Variants in FGF14 observed in about 807,000 individuals in gnomAD.
FGF14 encodes fibroblast growth factor homologous factor 4.
In FGF14, 5 loss-of-function variants were observed where a neutral mutation model predicts 25.5. That is an observed-to-expected ratio of 0.20 (90% confidence interval 0.10 to 0.41). FGF14 has a LOEUF of 0.41. FGF14 is among the 10% of genes least tolerant of loss of function. The pLI is 1.00. For missense variants in FGF14, 222 were observed against 320.1 expected (o/e 0.69, Z 2.34); for synonymous variants, 138 against 118.3 (o/e 1.17, Z -1.08).
At chr13:102,190,474 A>G (rs1244729990) in intron 1 of FGF14, among the ~76,000 whole-genome samples, 3 of 152,126 alleles carry the variant, frequency 2.0e-5, no homozygotes, top group African/African-American at 7.2e-5. Context: ...AGGATCCTAC[A>G]ATGCCCAGAA....
intron 3 of FGF14, among the ~76,000 whole-genome samples, chr13:101,744,736 CA>C (rs1460148067): frequency 2.0e-5 from 3 of 151,968 alleles, no homozygotes; most frequent in Non-Finnish European, 4.4e-5. Flanking sequence ...AAAACAAAAA[CA>C]AACGTGTCAT....
intron 1 of FGF14, among the ~76,000 whole-genome samples, chr13:101,947,462 GA>G (rs61558192): frequency 0.05 from 7,581 of 151,974 alleles, 631 homozygotes; most frequent in African/African-American, 0.17. Context: ...GATTGGATTA[GA>G]AAAAAATGTG....
intron 1 of FGF14, among the ~76,000 whole-genome samples, chr13:102,122,532 T>C (rs961935947): frequency 6.6e-6 from 1 of 152,200 alleles, no homozygotes; most frequent in African/African-American, 2.4e-5. Flanking sequence ...CTTCATCTTG[T>C]TGTTAAAGCC....
chr13:102,061,554 T>A (rs1460825514), intron 1 of FGF14, among the ~76,000 whole-genome samples: 1 of 152,260 alleles, frequency 6.6e-6, no homozygotes, highest in Non-Finnish European at 1.5e-5. Context: ...TATTTAAGTA[T>A]GTATCTGATG....
intron 3 of FGF14, among the ~76,000 whole-genome samples, chr13:101,749,757 T>C (rs1255710728): frequency 6.6e-6 from 1 of 152,074 alleles, no homozygotes; most frequent in Non-Finnish European, 1.5e-5. Flanking sequence ...CTTTGAAAAA[T>C]ACAGTCCAAC....
intron 1 of FGF14, among the ~76,000 whole-genome samples, chr13:102,012,295 A>G (rs953592983): frequency 6.6e-6 from 1 of 152,214 alleles, no homozygotes; most frequent in Non-Finnish European, 1.5e-5. Context: ...CATTATAATC[A>G]TAATATTTCT....
At chr13:102,170,569 G>C (rs779919123) in intron 1 of FGF14, among the ~76,000 whole-genome samples, 1 of 152,106 alleles carries the variant, frequency 6.6e-6, no homozygotes. Context: ...GCTGCAGTTT[G>C]GTGAAAGGCC....
rs577373664 is a variant in FGF14, at chr13:101,964,834, C to A, written c.209-89538G>T. On this transcript the variant is annotated intron_variant, in intron 1 of 4. Transcript: ENST00000376131. The stretch of plus-strand genomic sequence containing the variant: ...TATTCAGGATACAAATAGTTGTGCA[C>A]TTTCCCTGATAGAGAAACTCCCAAT... Among the ~76,000 whole-genome samples, 6 of 152,250 alleles carry A rather than the reference C, an allele frequency of 3.9e-5. No individual in the cohort carries two copies. The South Asian group carries it at 1.2e-3, about 32-fold the overall frequency.
chr13:101,776,329 G>C (rs2039101163), intron 3 of FGF14, among the ~76,000 whole-genome samples: 1 of 152,166 alleles, frequency 6.6e-6, no homozygotes, highest in East Asian at 1.9e-4. Context: ...AAATTACCTG[G>C]TGTTATGATG....
intron 1 of FGF14, among the ~76,000 whole-genome samples, chr13:102,055,254 A>G (rs1287970341): frequency 6.6e-6 from 1 of 152,114 alleles, no homozygotes; most frequent in Non-Finnish European, 1.5e-5. Context: ...GGCTCTTTTG[A>G]TTGTCTGCTT....
chr13:101,795,555 G>A (rs2040473832), intron 3 of FGF14, among the ~76,000 whole-genome samples: 1 of 152,002 alleles, frequency 6.6e-6, no homozygotes, highest in Non-Finnish European at 1.5e-5. Context: ...GTGGCAGTAA[G>A]GCAACACATA....
intron 1 of FGF14, among the ~76,000 whole-genome samples, chr13:102,265,131 C>G (rs2052923792): frequency 6.6e-6 from 1 of 152,094 alleles, no homozygotes; most frequent in African/African-American, 2.4e-5. Context: ...TTTAACTTGG[C>G]CTCTCTCTTC....
intron 3 of FGF14, among the ~76,000 whole-genome samples, chr13:101,800,451 TGAA>T (rs2040805836): frequency 6.6e-6 from 1 of 152,164 alleles, no homozygotes; most frequent in African/African-American, 2.4e-5. Context: ...ATAATAAACA[TGAA>T]GTGTGTCAAA....
At chr13:102,041,583 T>TAAAAA (rs11430268) in intron 1 of FGF14, among the ~76,000 whole-genome samples, 53 of 141,952 alleles carry the variant, frequency 3.7e-4, no homozygotes, top group Non-Finnish European at 5.8e-4. Context: ...TGTTTCCATG[T>TAAAAA]AAAAAAAAAA....
At chr13:102,378,510 CAT>C (rs2058092700) in intron 1 of FGF14, among the ~76,000 whole-genome samples, 2 of 151,942 alleles carry the variant, frequency 1.3e-5, no homozygotes, top group Non-Finnish European at 2.9e-5. Flanking sequence ...AAGAAACTAA[CAT>C]TGTTTCTGAC....
chr13:101,819,068 C>T (rs1306154361), intron 3 of FGF14, among the ~76,000 whole-genome samples: 2 of 148,030 alleles, frequency 1.4e-5, no homozygotes, highest in Non-Finnish European at 2.9e-5. Flanking sequence ...TTACTGTATA[C>T]CCAGTGCTTT....
chr13:101,986,576 C>T (rs896724490), intron 1 of FGF14, among the ~76,000 whole-genome samples: 2 of 152,042 alleles, frequency 1.3e-5, no homozygotes, highest in South Asian at 4.1e-4. Context: ...GTAGGTCTTG[C>T]TGTTATTGTT....
At chr13:102,041,246 A>G (rs951029057) in intron 1 of FGF14, among the ~76,000 whole-genome samples, 1 of 152,166 alleles carries the variant, frequency 6.6e-6, no homozygotes, top group Non-Finnish European at 1.5e-5. Context: ...GTGCATCTCA[A>G]TATATAAATG....
At chr13:101,786,899 G>T (rs1189791165) in intron 3 of FGF14, among the ~76,000 whole-genome samples, 1 of 152,104 alleles carries the variant, frequency 6.6e-6, no homozygotes, top group Non-Finnish European at 1.5e-5. Context: ...AACTTGAAAA[G>T]AACCAACTGT....
Sources: allele counts gnomAD v4.1 joint callset (sites outside exome capture counted in the v4.1 genomes callset), GRCh38; gene constraint gnomAD v4.1.1; transcripts MANE v1.5; gene names NCBI Gene and HGNC (gene_info 2026-07-23, HGNC 2026-07-21).